KIAA1217: variants seen among roughly 807,000 people sequenced by gnomAD.
KIAA1217 encodes KIAA1217.
A neutral mutation model predicts 163.9 loss-of-function variants in KIAA1217; 88 were observed. The observed-to-expected ratio is 0.54, with a 90% CI of 0.45 to 0.64. The LOEUF (loss-of-function observed/expected upper bound fraction) is 0.64, where lower values mean the gene tolerates loss of function less well. KIAA1217 is among the 30% of genes least tolerant of loss of function. The pLI, the probability that KIAA1217 is intolerant of heterozygous loss-of-function variation, is 0.00. For synonymous variants in KIAA1217, 903 were observed against 923.1 expected, an observed-to-expected ratio of 0.98 and a Z score of 0.39; for missense variants, 2,372 against 2,475.0, an observed-to-expected ratio of 0.96 and a Z score of 0.88.
intron 1 of KIAA1217, among the ~76,000 whole-genome samples, chr10:23,948,774 A>G (rs558616904): frequency 2.0e-5 from 3 of 152,304 alleles, no homozygotes; most frequent in Admixed American, 6.5e-5. Flanking sequence ...GGTTCAATAA[A>G]TGAATAAAAT....
chr10:24,414,939 A>T (rs1290753281), intron 3 of KIAA1217, among the ~76,000 whole-genome samples: 1 of 152,102 alleles, frequency 6.6e-6, no homozygotes, highest in African/African-American at 2.4e-5. Context: ...TAAAGGTACA[A>T]CCAAAAAGTC....
At chr10:23,986,426 T>C (rs1349171949) in intron 1 of KIAA1217, among the ~76,000 whole-genome samples, 12 of 152,250 alleles carry the variant, frequency 7.9e-5, no homozygotes, top group Non-Finnish European at 5.9e-5. Flanking sequence ...TAAAATGGTG[T>C]AGTATTTGCA....
intron 1 of KIAA1217, among the ~76,000 whole-genome samples, chr10:23,803,925 A>G (rs1836608476): frequency 2.0e-5 from 3 of 152,246 alleles, no homozygotes. Flanking sequence ...ATGCAGACTC[A>G]TATAGATATC....
At chr10:24,327,918 C>T (rs7087182) in intron 2 of KIAA1217, among the ~76,000 whole-genome samples, 33,507 of 152,064 alleles carry the variant, frequency 0.22, 4,590 homozygotes, top group African/African-American at 0.4. Context: ...TCTCCAGGCC[C>T]GGGATTCTGG....
At chr10:23,854,115 A>G (rs985380415) in intron 1 of KIAA1217, among the ~76,000 whole-genome samples, 5 of 151,872 alleles carry the variant, frequency 3.3e-5, no homozygotes, top group South Asian at 2.1e-4. Context: ...TAGGGTGTCA[A>G]TTTTGGATCT....
chr10:24,081,801 C>G (rs1382118099), intron 2 of KIAA1217, among the ~76,000 whole-genome samples: 1 of 152,104 alleles, frequency 6.6e-6, no homozygotes, highest in Non-Finnish European at 1.5e-5. Context: ...CCACATGTGG[C>G]CTGGGGACTG....
chr10:24,141,329 T>C (rs1438544920), intron 2 of KIAA1217, among the ~76,000 whole-genome samples: 1 of 146,110 alleles, frequency 6.8e-6, no homozygotes, highest in African/African-American at 2.5e-5. Context: ...TCTAAGAACC[T>C]GGGGCAAGTG....
intron 2 of KIAA1217, among the ~76,000 whole-genome samples, chr10:24,224,203 G>A (rs572730349): frequency 3.3e-5 from 5 of 152,308 alleles, no homozygotes; most frequent in African/African-American, 1.2e-4. Context: ...GTTGTGCAGG[G>A]CAGTCAGGCT....
intron 2 of KIAA1217, among the ~76,000 whole-genome samples, chr10:24,038,982 G>A (rs1055486967): frequency 1.3e-5 from 2 of 152,038 alleles, no homozygotes; most frequent in South Asian, 4.1e-4. Context: ...AACCTCAGGT[G>A]ATCCACCCAC....
chr10:24,131,468 T>C (rs2063648867), intron 2 of KIAA1217, among the ~76,000 whole-genome samples: 1 of 152,230 alleles, frequency 6.6e-6, no homozygotes. Context: ...TAATTTAATA[T>C]GCATGGTTGA....
intron 2 of KIAA1217, among the ~76,000 whole-genome samples, chr10:24,271,406 T>A (rs2076756187): frequency 6.6e-6 from 1 of 152,138 alleles, no homozygotes; most frequent in South Asian, 2.1e-4. Flanking sequence ...TAATTTCAGT[T>A]CTGACTATAA....
intron 1 of KIAA1217, among the ~76,000 whole-genome samples, chr10:23,893,119 C>T (rs1172199124): frequency 6.6e-6 from 1 of 151,944 alleles, no homozygotes; most frequent in Non-Finnish European, 1.5e-5. Context: ...TCCATCTGGT[C>T]CTGGACTCTA....
intron 1 of KIAA1217, among the ~76,000 whole-genome samples, chr10:23,865,845 C>G (rs1315712245): frequency 6.6e-6 from 1 of 152,092 alleles, no homozygotes; most frequent in East Asian, 1.9e-4. Flanking sequence ...GCCATCCTTT[C>G]TCCAATAAAT....
intron 3 of KIAA1217, among the ~76,000 whole-genome samples, chr10:24,422,702 C>A (rs2058829209): frequency 6.6e-6 from 1 of 152,106 alleles, no homozygotes; most frequent in Non-Finnish European, 1.5e-5. Context: ...CCTTGGGATG[C>A]TCATTTCAAT....
intron 2 of KIAA1217, among the ~76,000 whole-genome samples, chr10:24,070,904 G>A (rs1436223432): frequency 1.3e-5 from 2 of 152,152 alleles, no homozygotes; most frequent in African/African-American, 2.4e-5. Flanking sequence ...GCTTGTCTCT[G>A]TGGGATGCAA....
intron 1 of KIAA1217, among the ~76,000 whole-genome samples, chr10:24,215,867 T>C (rs540004092): frequency 6.6e-6 from 1 of 152,178 alleles, no homozygotes; most frequent in South Asian, 2.1e-4. Context: ...GCATTGGGCA[T>C]TGGGTGGAAG....
chr10:24,370,190 G>A (rs1475422860), intron 2 of KIAA1217, among the ~76,000 whole-genome samples: 2 of 149,268 alleles, frequency 1.3e-5, no homozygotes, highest in Non-Finnish European at 3.0e-5. Flanking sequence ...GTGTGAACCC[G>A]GGAGGCGGAG....
intron 2 of KIAA1217, among the ~76,000 whole-genome samples, chr10:24,250,813 G>C (rs1471654660): frequency 1.3e-5 from 2 of 149,642 alleles, no homozygotes; most frequent in Non-Finnish European, 3.0e-5. Flanking sequence ...GATTGGGCCG[G>C]GTGCAGTGGC....
chr10:23,861,149 A>G lies in KIAA1217; in HGVS notation c.-320-146076A>G, dbSNP rs192407021. ...GCTGGTCTCAAACTCCTGGGTTCAA[A>G]CAATCTGCCCACTCTGGACTCCCAA... On this transcript the variant is annotated intron_variant, in intron 1 of 18. Transcript: ENST00000376462. Among the ~76,000 whole-genome samples, 317 of 152,010 alleles carry G rather than the reference A, an allele frequency of 2.1e-3. 2 individuals are homozygous for G. Among genetic ancestry groups the G allele is most frequent in the African/African-American group, 7.5e-3 (309 of 41,470 alleles).
Sources: gnomAD v4.1 joint callset for allele counts (sites outside exome capture counted in the v4.1 genomes callset) on GRCh38, gnomAD v4.1.1 for gene constraint, MANE v1.5 for transcripts, NCBI Gene and HGNC (gene_info 2026-07-23, HGNC 2026-07-21) for gene names.